Variants in ENPP6 observed in about 807,000 individuals in gnomAD.
ENPP6 encodes the protein ectonucleotide pyrophosphatase/phosphodiesterase 6.
A neutral mutation model predicts 42.0 loss-of-function variants in ENPP6; 32 were observed. The ratio of observed to expected loss-of-function variants is 0.76; its 90% CI spans 0.58 to 1.02. The LOEUF (loss-of-function observed/expected upper bound fraction) is 1.02. ENPP6 is among the 50% of genes least tolerant of loss of function. The pLI is 0.00. For missense variants in ENPP6, 552 were observed against 566.8 expected (o/e 0.97, Z 0.27); for synonymous variants, 213 against 216.0 (o/e 0.99, Z 0.12).
At chr4:184,104,191 T>A (rs2111334805) in intron 6 of ENPP6, among the ~76,000 whole-genome samples, 1 of 152,298 alleles carries the variant, frequency 6.6e-6, no homozygotes. Context: ...ACACTAGCTG[T>A]CACTAAAGCT....
intron 2 of ENPP6, among the ~76,000 whole-genome samples, chr4:184,127,994 G>C (rs1220732868): frequency 6.6e-6 from 1 of 152,026 alleles, no homozygotes; most frequent in African/African-American, 2.4e-5. Context: ...TCTAGATATT[G>C]ATTTAAAAGA....
chr4:184,199,591 C>G (rs979278031), intron 1 of ENPP6, among the ~76,000 whole-genome samples: 39 of 152,164 alleles, frequency 2.6e-4, no homozygotes, highest in Non-Finnish European at 1.0e-4. Flanking sequence ...GGAAGGAGAG[C>G]CCAAGGCTTG....
At chr4:184,096,674 A>G (rs1467154062) in intron 7 of ENPP6, among the ~76,000 whole-genome samples, 1 of 152,174 alleles carries the variant, frequency 6.6e-6, no homozygotes, top group African/African-American at 2.4e-5. Flanking sequence ...GTCAAGAAAG[A>G]CACAGCAAAT....
chr4:184,135,568 T>C (rs1479830950), intron 2 of ENPP6, among the ~76,000 whole-genome samples: 1 of 152,274 alleles, frequency 6.6e-6, no homozygotes, highest in Non-Finnish European at 1.5e-5. Flanking sequence ...ACTTTCTGCA[T>C]ACTTATATTT....
chr4:184,217,352 G>T (rs558392981), intron 1 of ENPP6, among the ~76,000 whole-genome samples: 3 of 152,108 alleles, frequency 2.0e-5, no homozygotes, highest in Non-Finnish European at 4.4e-5. Flanking sequence ...TCTGTCCTCC[G>T]CACTGAGAAT....
chr4:184,187,537 G>T (rs944145003), intron 1 of ENPP6, among the ~76,000 whole-genome samples: 1 of 152,132 alleles, frequency 6.6e-6, no homozygotes, highest in Non-Finnish European at 1.5e-5. Flanking sequence ...TCCCTGCCTG[G>T]AATGCTTTGT....
intron 1 of ENPP6, among the ~76,000 whole-genome samples, chr4:184,194,033 C>T (rs762410278): frequency 1.3e-5 from 2 of 152,172 alleles, no homozygotes; most frequent in Non-Finnish European, 2.9e-5. Context: ...CTCTTTGCCT[C>T]TTCCTTGTCT....
chr4:184,190,225 G>T (rs551171031), intron 1 of ENPP6, among the ~76,000 whole-genome samples: 1 of 152,266 alleles, frequency 6.6e-6, no homozygotes, highest in Admixed American at 6.5e-5. Flanking sequence ...CCAGAGTACT[G>T]GATTACTCAC....
intron 1 of ENPP6, among the ~76,000 whole-genome samples, chr4:184,165,752 A>G (rs773407781): frequency 6.6e-6 from 1 of 152,230 alleles, no homozygotes; most frequent in Non-Finnish European, 1.5e-5. Flanking sequence ...AAAGTTCTGA[A>G]ATCAGGGGTC....
chr4:184,146,127 C>T (rs748634616), intron 2 of ENPP6, among the ~76,000 whole-genome samples: 1 of 150,436 alleles, frequency 6.6e-6, no homozygotes, highest in Non-Finnish European at 1.5e-5. Flanking sequence ...CGTTGACTAA[C>T]AATGTTTAGA....
intron 2 of ENPP6, among the ~76,000 whole-genome samples, chr4:184,142,360 A>G (rs1736838086): frequency 6.6e-6 from 1 of 152,276 alleles, no homozygotes; most frequent in African/African-American, 2.4e-5. Flanking sequence ...TAAAACAGCT[A>G]AGCCAATTAA....
At chr4:184,193,030 C>A (rs1385859218) in intron 1 of ENPP6, among the ~76,000 whole-genome samples, 5 of 152,116 alleles carry the variant, frequency 3.3e-5, no homozygotes, top group Non-Finnish European at 7.4e-5. Flanking sequence ...TCACACATTG[C>A]TGGTGAAAAT....
At chr4:184,172,142 G>A (rs371315716) in intron 1 of ENPP6, among the ~76,000 whole-genome samples, 2 of 152,144 alleles carry the variant, frequency 1.3e-5, no homozygotes, top group Admixed American at 6.5e-5. Flanking sequence ...GAAGAAGTGT[G>A]GGCAATGGGG....
chr4:184,169,405 C>T (rs540780726), intron 1 of ENPP6, among the ~76,000 whole-genome samples: 65 of 152,240 alleles, frequency 4.3e-4, no homozygotes, highest in Middle Eastern at 3.4e-3. Flanking sequence ...CAGCCAGGGC[C>T]GCGGGGAGGG....
intron 1 of ENPP6, among the ~76,000 whole-genome samples, chr4:184,157,392 A>G (rs1047369794): frequency 2.8e-5 from 4 of 142,690 alleles, no homozygotes; most frequent in African/African-American, 1.1e-4. Flanking sequence ...AGCATCATAA[A>G]TAAATTCGTT....
Position 184,217,687 on chromosome 4 carries a change from C to T in ENPP6, c.133G>A (p.Glu45Lys), listed in dbSNP as rs1733219895. 6.2e-7 allele frequency: 1 copy of T among 1,614,214 alleles called. No individual in the cohort carries two copies. The highest frequency in any genetic ancestry group is 1.1e-5 in the South Asian group (1 of 91,090). Residue 45 changes from glutamate to lysine, a missense_variant, in exon 1 of 8, where the codon GAG (glutamate) becomes AAG (lysine). Around this residue, in one of 2 missense-constraint regions of ENPP6, gnomAD observed 545 missense variants for 546.3 expected, o/e 1.00. Coordinates refer to ENST00000296741, the MANE Select transcript of ENPP6 (RefSeq NM_153343.4). Reference sequence around the variant, plus strand: ...ATCTCTTTGAAACCAGGCAATGACTCCAGCGCCTCATCACTGATGTAGTCT... The same window carrying T: ...ATCTCTTTGAAACCAGGCAATGACTTCAGCGCCTCATCACTGATGTAGTCT... ...RSDYISDEAL[E>K]SLPGFKEIVS...
chr4:184,153,313 A>C (rs1241387146), intron 2 of ENPP6, among the ~76,000 whole-genome samples: 3 of 152,010 alleles, frequency 2.0e-5, no homozygotes, highest in Admixed American at 6.6e-5. Flanking sequence ...TAGTAGAGAC[A>C]GGGTTTCCCC....
chr4:184,156,798 CCA>C (rs1422837333), intron 1 of ENPP6, among the ~76,000 whole-genome samples: 17 of 152,204 alleles, frequency 1.1e-4, no homozygotes, highest in African/African-American at 3.6e-4. Flanking sequence ...GGTGTTCATT[CCA>C]CAGAGTCTTA....
rs747520160 is a variant in ENPP6, at chr4:184,153,558, C to T, written c.417G>A (p.Trp139Ter). 1.9e-6 allele frequency: 3 copies of T among 1,612,044 alleles called. No homozygotes were observed. The highest frequency in any genetic ancestry group is 2.5e-6 in the Non-Finnish European group (3 of 1,179,160). ...KAKRKVYMYY[W>*]PGCEVEILGV... ...AATGGATGTTCACACACTCACCTGG[C>T]CAGTAGTACATGTAGACCTTCCTTT... Residue 139 changes from tryptophan to a stop codon, truncating the protein, a stop_gained, in exon 2 of 8, where the codon TGG becomes TGA. Transcript: ENST00000296741. LOFTEE classifies it high-confidence loss of function.
Sources: allele counts gnomAD v4.1 joint callset (sites outside exome capture counted in the v4.1 genomes callset), GRCh38; gene constraint gnomAD v4.1.1; regional missense constraint gnomAD v4.1.1; transcripts MANE v1.5; gene names NCBI Gene and HGNC (gene_info 2026-07-23, HGNC 2026-07-21).